The following PROM1 variants were observed in gnomAD, a reference collection of about 807,000 sequenced individuals.
PROM1 encodes prominin-1.
A neutral mutation model predicts 116.9 loss-of-function variants in PROM1; 105 were observed. The observed-to-expected ratio is 0.90, with a 90% confidence interval of 0.77 to 1.06. The LOEUF is 1.06. Ranked by LOEUF, PROM1 falls within the 50% of genes least tolerant of loss-of-function variation. The pLI is 0.00. For missense variants in PROM1, 1,122 were observed against 1,045.2 expected (o/e 1.07, Z -1.01); for synonymous variants, 393 against 387.0 (o/e 1.02, Z -0.18).
At chr4:15,970,066 A>T (rs59534780) in intron 27 of PROM1, among the ~76,000 whole-genome samples, 200 of 149,712 alleles carry the variant, frequency 1.3e-3, no homozygotes, top group African/African-American at 4.8e-3. Context: ...GGCTCAAGCA[A>T]TCCTTCTACC....
chr4:15,973,873 C>A (rs1715335340), intron 26 of PROM1, among the ~76,000 whole-genome samples: 1 of 152,132 alleles, frequency 6.6e-6, no homozygotes. Flanking sequence ...CTGCAAAAGA[C>A]AGACAACAAG....
At chr4:16,023,469 C>A (rs1440205951) in intron 7 of PROM1, 54 bp from the exon 8 acceptor site, 11 of 1,359,862 alleles carry the variant, frequency 8.1e-6, no homozygotes, top group Non-Finnish European at 1.1e-5. Context: ...CATCTCTCCA[C>A]CCCTCCCTCA....
At chr4:16,020,164 T>G (rs1457787461) in intron 8 of PROM1, among the ~76,000 whole-genome samples, 1 of 152,188 alleles carries the variant, frequency 6.6e-6, no homozygotes, top group Non-Finnish European at 1.5e-5. Context: ...GCAACCTAGC[T>G]TTGAGGATGT....
At chr4:16,034,999 A>T (rs886163005) in intron 4 of PROM1, among the ~76,000 whole-genome samples, 2 of 152,274 alleles carry the variant, frequency 1.3e-5, no homozygotes, top group Non-Finnish European at 1.5e-5. Flanking sequence ...AATGCTCAAG[A>T]CTAGTAAATC....
chr4:16,013,395 T>C, intron 10 of PROM1, 57 bp from the exon 11 acceptor site: 2 of 1,279,742 alleles, frequency 1.6e-6, no homozygotes, highest in South Asian at 2.4e-5. Context: ...ACTAGTTGAC[T>C]AGTCACTCAT....
rs747512450 is a variant in PROM1, at chr4:16,075,767, TG to T, written c.139del (p.His47IlefsTer12). The T allele has an allele frequency of 4.3e-6, 7 of 1,613,802 alleles. No homozygotes were observed. The East Asian group carries it at 1.3e-4, about 31-fold the overall frequency. On this transcript the variant is annotated frameshift_variant, in exon 2 of 28. Transcript: ENST00000447510. LOFTEE classifies it high-confidence loss of function. ...GAGAATGCCAATGGGTCCAGCTTTA[TG>T]GGAGTCTTGGGTCTCATAATTTGTT... ...PATNYETQDS[H>X]KAGPIGILFE...
chr4:16,033,002 G>T (rs535331057), intron 5 of PROM1, among the ~76,000 whole-genome samples: 7 of 152,248 alleles, frequency 4.6e-5, no homozygotes, highest in African/African-American at 1.4e-4. Flanking sequence ...CTGCTGTGCT[G>T]GGAGGTAAGT....
At chr4:15,987,799 T>A in intron 19 of PROM1, 83 bp from the exon 20 acceptor site, 1 of 1,145,574 alleles carries the variant, frequency 8.7e-7, no homozygotes, top group Non-Finnish European at 1.3e-6. Flanking sequence ...TCCCACAAGA[T>A]AGCCATCAAA....
chr4:16,035,644 C>A, intron 4 of PROM1, 91 bp downstream of exon 4: 1 of 1,241,574 alleles, frequency 8.1e-7, no homozygotes, highest in Non-Finnish European at 1.2e-6. Context: ...AGAAATGAAA[C>A]GGATCATTTA....
chr4:16,075,605 T>G, intron 2 of PROM1, 82 bp downstream of exon 2: 2 of 1,313,868 alleles, frequency 1.5e-6, no homozygotes, highest in South Asian at 2.8e-5. Flanking sequence ...ATATATTATA[T>G]ATTGATTGCA....
chr4:15,982,356 T>C (rs996176355), intron 23 of PROM1, among the ~76,000 whole-genome samples: 4 of 152,190 alleles, frequency 2.6e-5, no homozygotes, highest in Non-Finnish European at 1.5e-5. Flanking sequence ...AGTCAATTTG[T>C]TCCCCCTTCC....
intron 2 of PROM1, among the ~76,000 whole-genome samples, chr4:16,070,979 G>C (rs1742675671): frequency 6.6e-6 from 1 of 152,056 alleles, no homozygotes; most frequent in Non-Finnish European, 1.5e-5. Context: ...ATGTCTAAGA[G>C]AAAAAAGGGT....
At chr4:15,971,267 C>A in intron 26 of PROM1, 185 bp from the exon 27 acceptor site, 1 of 552,204 alleles carries the variant, frequency 1.8e-6, no homozygotes, top group East Asian at 2.8e-5. Context: ...GTTTGTATTG[C>A]TTTTAAAAAC....
At chr4:16,036,206 C>T (rs760877012) in intron 3 of PROM1, among the ~76,000 whole-genome samples, 13 of 152,204 alleles carry the variant, frequency 8.5e-5, no homozygotes, top group South Asian at 2.1e-4. Flanking sequence ...AAGCGATCAA[C>T]GGATTCCCAC....
Position 15,991,103 on chromosome 4 carries a change from G to A in PROM1, c.1983+119C>T, listed in dbSNP as rs2149112230. 3.9e-6 allele frequency: 3 copies of A among 764,774 alleles called. No homozygotes were observed. The East Asian group carries it at 8.9e-5, about 23-fold the overall frequency. The allele number at this position is 764,774 out of a possible 1,614,324, so 47.4% of individuals were successfully genotyped here. Reference sequence around the variant, plus strand: ...ACGTAATGACACACACAAGAGAGGTGTTTATGAACAAGGGATTACTCACAG... The same window carrying A: ...ACGTAATGACACACACAAGAGAGGTATTTATGAACAAGGGATTACTCACAG... On this transcript the variant is annotated intron_variant, in intron 18 of 27. Transcript: ENST00000447510.
chr4:16,040,150 A>G (rs1031382050), intron 2 of PROM1, among the ~76,000 whole-genome samples: 6 of 152,162 alleles, frequency 3.9e-5, no homozygotes, highest in Non-Finnish European at 8.8e-5. Context: ...TTTTGATGCA[A>G]AAAAGTTCAG....
chr4:16,046,856 T>C (rs1371785236), intron 2 of PROM1, among the ~76,000 whole-genome samples: 1 of 152,126 alleles, frequency 6.6e-6, no homozygotes, highest in African/African-American at 2.4e-5. Context: ...ACTTTGCTCA[T>C]TTGATTCTTC....
chr4:16,023,427 T>C lies in PROM1; in HGVS notation c.695-12A>G, dbSNP rs1345488431. 7 of 1,574,728 alleles carry C rather than the reference T, an allele frequency of 4.4e-6. No individual in the cohort carries two copies. The highest frequency in any genetic ancestry group is 1.2e-5 in the South Asian group (1 of 86,870). ...CACTGAATTGATACCTACATGCAAA[T>C]AAGCACAAAGATGGTGAGGGTGGCC... On this transcript the variant is annotated splice_polypyrimidine_tract_variant and intron_variant, in intron 7 of 27. Coordinates refer to ENST00000447510, the MANE Select transcript of PROM1 (RefSeq NM_006017.3).
chr4:16,051,569 T>A (rs1272726609), intron 2 of PROM1, among the ~76,000 whole-genome samples: 1 of 152,194 alleles, frequency 6.6e-6, no homozygotes, highest in African/African-American at 2.4e-5. Flanking sequence ...TACAAGATGC[T>A]GAGTGTGGGG....
Sources: allele counts gnomAD v4.1 joint callset (sites outside exome capture counted in the v4.1 genomes callset), GRCh38; gene constraint gnomAD v4.1.1; transcripts MANE v1.5; gene names NCBI Gene and HGNC (gene_info 2026-07-23, HGNC 2026-07-21).